The following RBFOX1 variants were observed in gnomAD, a reference collection of about 807,000 sequenced individuals.
RBFOX1 encodes RNA binding protein fox-1 homolog 1.
In RBFOX1, 8 loss-of-function variants were observed where a neutral mutation model predicts 57.7. The ratio of observed to expected loss-of-function variants is 0.14; its 90% CI spans 0.08 to 0.25. The LOEUF is 0.25. Among genes scored for constraint, RBFOX1 ranks in the 10% least tolerant of loss-of-function variants. RBFOX1 has a pLI of 1.00. For missense variants in RBFOX1, 611 were observed against 548.5 expected, an observed-to-expected ratio of 1.11 and a Z score of -1.14; for synonymous variants, 326 against 222.4, an observed-to-expected ratio of 1.47 and a Z score of -4.15.
intron 3 of RBFOX1, chr16:5,867,262 T>A: frequency 1.7e-6 from 2 of 1,156,200 alleles, no homozygotes; most frequent in Non-Finnish European, 2.2e-6. Context: ...ATTACCTTCT[T>A]GTTGAATCAA....
At chr16:6,354,256 T>C (rs1471820048) in intron 2 of RBFOX1, among the ~76,000 whole-genome samples, 1 of 151,836 alleles carries the variant, frequency 6.6e-6, no homozygotes, top group Admixed American at 6.6e-5. Flanking sequence ...CATAGATATA[T>C]ATAAAAAAAA....
intron 2 of RBFOX1, among the ~76,000 whole-genome samples, chr16:6,485,520 AG>A (rs2095459114): frequency 6.6e-6 from 1 of 150,640 alleles, no homozygotes; most frequent in Non-Finnish European, 1.5e-5. Context: ...TGCACGCTGG[AG>A]GATCACCAGA....
At chr16:7,521,098 G>A (rs1040534253) in intron 5 of RBFOX1, among the ~76,000 whole-genome samples, 2 of 19,578 alleles carry the variant, frequency 1.0e-4, no homozygotes, top group East Asian at 5.3e-4. Context: ...ACCTGCAAAC[G>A]TGTAGTCTGA....
At chr16:6,143,996 C>A (rs1203121630) in intron 1 of RBFOX1, among the ~76,000 whole-genome samples, 1 of 143,278 alleles carries the variant, frequency 7.0e-6, no homozygotes, top group African/African-American at 2.8e-5. Flanking sequence ...TACCTACCTA[C>A]CTATGTTGTC....
chr16:6,301,578 A>T (rs1383092222), intron 1 of RBFOX1, among the ~76,000 whole-genome samples: 2 of 152,152 alleles, frequency 1.3e-5, no homozygotes, highest in Non-Finnish European at 2.9e-5. Context: ...TATTACAGAA[A>T]ACGTTTAGGG....
chr16:7,258,121 G>T (rs140485588), intron 4 of RBFOX1, among the ~76,000 whole-genome samples: 10 of 152,272 alleles, frequency 6.6e-5, no homozygotes, highest in African/African-American at 2.4e-4. Context: ...ATAATTCACT[G>T]CTTCCAGAGG....
chr16:6,413,387 C>A (rs1596845162), intron 2 of RBFOX1, among the ~76,000 whole-genome samples: 2 of 151,616 alleles, frequency 1.3e-5, no homozygotes, highest in Non-Finnish European at 2.9e-5. Flanking sequence ...TGGTCTTGAA[C>A]CCCTGGGCTC....
At chr16:6,388,084 A>T (rs947478750) in intron 2 of RBFOX1, among the ~76,000 whole-genome samples, 3 of 145,508 alleles carry the variant, frequency 2.1e-5, no homozygotes, top group Non-Finnish European at 4.4e-5. Context: ...GGTTCAAGCG[A>T]TTCTTCTGCC....
chr16:7,478,088 C>T (rs775023378), intron 4 of RBFOX1, among the ~76,000 whole-genome samples: 5 of 152,058 alleles, frequency 3.3e-5, no homozygotes, highest in Non-Finnish European at 7.4e-5. Flanking sequence ...ACTTGCAACC[C>T]GATGATTAAG....
intron 3 of RBFOX1, among the ~76,000 whole-genome samples, chr16:6,925,136 TTTTTTTTTTTTTTTTG>T: frequency 9.7e-6 from 1 of 103,400 alleles, no homozygotes; most frequent in South Asian, 4.1e-4. Flanking sequence ...TTTTTTTTTT[TTTTTTTTTTTTTTTTG>T]AGATGGAGTT....
At chr16:6,139,140 T>G (rs1211985656) in intron 1 of RBFOX1, among the ~76,000 whole-genome samples, 1 of 151,964 alleles carries the variant, frequency 6.6e-6, no homozygotes, top group Non-Finnish European at 1.5e-5. Context: ...TGTGTGAGCT[T>G]TATGTGAATT....
intron 11 of RBFOX1, among the ~76,000 whole-genome samples, chr16:7,643,560 A>G (rs570445770): frequency 6.6e-6 from 1 of 152,334 alleles, no homozygotes; most frequent in African/African-American, 2.4e-5. Flanking sequence ...CATCATTGTG[A>G]CAGTAATCAG....
In RBFOX1 at chr16:5,654,258, C is replaced by T. The variant is rs547646380; in HGVS notation, c.318+55297C>T. 1.8e-4 allele frequency among the ~76,000 whole-genome samples: 28 copies of T among 152,226 alleles called. No homozygotes were observed. The South Asian group carries it at 4.6e-3, about 25-fold the overall frequency. On this transcript the variant is annotated intron_variant, in intron 3 of 19. Transcript: ENST00000641259. ...TAAAGTGCATCAAGCTGTTCTTTGG[C>T]CTGTAATATGCTGGAGCCAATCCAT...
chr16:6,898,990 A>G (rs1397567201), intron 3 of RBFOX1, among the ~76,000 whole-genome samples: 2 of 144,748 alleles, frequency 1.4e-5, no homozygotes, highest in Non-Finnish European at 3.0e-5. Context: ...ATGTGTGCAT[A>G]TATATAATGC....
chr16:6,459,979 C>G (rs1220954125), intron 2 of RBFOX1, among the ~76,000 whole-genome samples: 1 of 45,484 alleles, frequency 2.2e-5, no homozygotes, highest in Non-Finnish European at 4.3e-5. Flanking sequence ...AGTGAAACTC[C>G]ATCTCAAAAA....
At chr16:7,590,836 G>C (rs1567984840) in intron 7 of RBFOX1, among the ~76,000 whole-genome samples, 1 of 147,782 alleles carries the variant, frequency 6.8e-6, no homozygotes, top group Non-Finnish European at 1.5e-5. Context: ...TCCAGCCTGG[G>C]CAAGAAGAGG....
chr16:6,057,760 A>T (rs8062125), intron 1 of RBFOX1, among the ~76,000 whole-genome samples: 37,416 of 149,742 alleles, frequency 0.25, 5,472 homozygotes, highest in African/African-American at 0.4. Flanking sequence ...AATTTCTTGC[A>T]ATTTTCTCAT....
At chr16:6,117,740 A>G (rs2096512255) in intron 1 of RBFOX1, among the ~76,000 whole-genome samples, 1 of 152,274 alleles carries the variant, frequency 6.6e-6, no homozygotes. Flanking sequence ...ATTCTCAGTT[A>G]TTTTGTTATA....
At chr16:7,303,180 G>T (rs2096073669) in intron 4 of RBFOX1, among the ~76,000 whole-genome samples, 1 of 152,186 alleles carries the variant, frequency 6.6e-6, no homozygotes, top group Non-Finnish European at 1.5e-5. Context: ...GGGCTGGTTC[G>T]CTGGCTCGGG....
Sources: gnomAD v4.1 joint callset for allele counts (sites outside exome capture counted in the v4.1 genomes callset) on GRCh38, gnomAD v4.1.1 for gene constraint, MANE v1.5 for transcripts, NCBI Gene and HGNC (gene_info 2026-07-23, HGNC 2026-07-21) for gene names.